Variants in SLBP observed in about 807,000 individuals in gnomAD.
SLBP encodes the protein histone RNA hairpin-binding protein.
Under a neutral mutation model 39.2 loss-of-function variants are expected in SLBP, and 29 were observed. The ratio of observed to expected loss-of-function variants is 0.74; its 90% CI spans 0.55 to 1.01. The LOEUF is 1.01. Among genes scored for constraint, SLBP ranks in the 50% least tolerant of loss-of-function variants. The probability of loss-of-function intolerance (pLI) is 0.00; values close to 1 mark genes in which losing one functional copy is unlikely to be tolerated. For missense variants in SLBP, 390 were observed against 350.2 expected (o/e 1.11, Z -0.91); for synonymous variants, 129 against 118.7 (o/e 1.09, Z -0.57).
chr4:1,694,965 G>A, intron 6 of SLBP, 125 bp from the exon 7 acceptor site: 2 of 709,722 alleles, frequency 2.8e-6, no homozygotes, highest in Non-Finnish European at 5.2e-6. Context: ...GAGGCTCCCT[G>A]AGGGGTCAGC....
At chr4:1,712,092 G>T in intron 1 of SLBP, 38 bp downstream of exon 1, 2 of 1,228,742 alleles carry the variant, frequency 1.6e-6, no homozygotes, top group Non-Finnish European at 2.0e-6. Flanking sequence ...GCCCCACGGG[G>T]CACGCGCTCC....
rs146983818 is a variant in SLBP, at chr4:1,693,735, C to T, written c.697-22G>A. On this transcript the variant is annotated intron_variant, in intron 7 of 7. Transcript: ENST00000489418. ...CATCCTGGAAAACAGAAGCATGGCT[C>T]GGTTGACATTCATCTCACCCTGAAA... 7 of 1,491,554 alleles carry T rather than the reference C, an allele frequency of 4.7e-6. No individual in the cohort carries two copies. The East Asian group carries it at 6.8e-5, about 14-fold the overall frequency. 92.4% of individuals were successfully genotyped at this position (1,491,554 alleles called of 1,614,324 possible).
At chr4:1,702,813 T>C (rs1281345920) in intron 3 of SLBP, among the ~76,000 whole-genome samples, 1 of 152,228 alleles carries the variant, frequency 6.6e-6, no homozygotes, top group African/African-American at 2.4e-5. Flanking sequence ...TTTCCTTGTA[T>C]GTTGGCATTT....
chr4:1,710,677 G>A (rs1577189610), intron 2 of SLBP, among the ~76,000 whole-genome samples: 1 of 152,102 alleles, frequency 6.6e-6, no homozygotes, highest in Non-Finnish European at 1.5e-5. Context: ...TCAGTAAGTC[G>A]CCACTTAAAG....
intron 5 of SLBP, among the ~76,000 whole-genome samples, chr4:1,696,803 A>C (rs1277908021): frequency 6.6e-6 from 1 of 151,024 alleles, no homozygotes; most frequent in African/African-American, 2.4e-5. Context: ...GGGCTGAGGG[A>C]GGAGGATCGC....
At chr4:1,696,441 T>G in intron 5 of SLBP, 90 bp from the exon 6 acceptor site, 1 of 1,149,092 alleles carries the variant, frequency 8.7e-7, no homozygotes, top group South Asian at 1.9e-5. Context: ...GAGATTAGTA[T>G]TATTTTAAAT....
chr4:1,703,807 T>C, intron 2 of SLBP, 107 bp from the exon 3 acceptor site: 1 of 821,616 alleles, frequency 1.2e-6, no homozygotes, highest in Non-Finnish European at 2.1e-6. Flanking sequence ...GGCTTGTGCC[T>C]GTAATACCAG....
chr4:1,703,781 G>T, intron 2 of SLBP, 81 bp from the exon 3 acceptor site: 1 of 1,024,640 alleles, frequency 9.8e-7, no homozygotes, highest in Non-Finnish European at 1.5e-6. Flanking sequence ...ATATTCAAAG[G>T]CTGGTGGGAC....
intron 2 of SLBP, among the ~76,000 whole-genome samples, chr4:1,705,353 G>A (rs1035508141): frequency 2.0e-5 from 3 of 152,168 alleles, no homozygotes; most frequent in Non-Finnish European, 2.9e-5. Flanking sequence ...TGAAGAAATG[G>A]TATTCTATTG....
In SLBP at chr4:1,703,652, C is replaced by A. The variant is rs1397136568; in HGVS notation, c.225G>T (p.Trp75Cys). ...GPKPRSRCSD[W>C]ASAVEEDEMR... ...TTTCATCTTCTTCAACTGCACTTGC[C>A]CAGTCAGAGCATCTGGAACGGGGTT... Residue 75 changes from tryptophan to cysteine, a missense_variant, in exon 3 of 8, where the codon TGG becomes TGT. Trp to Cys is a radical substitution (Grantham distance 215). Transcript: ENST00000489418. 6.2e-7 allele frequency: 1 copy of A among 1,613,992 alleles called. No homozygotes were observed. Among genetic ancestry groups the A allele is most frequent in the South Asian group, 1.1e-5 (1 of 91,072 alleles).
intron 5 of SLBP, among the ~76,000 whole-genome samples, chr4:1,698,142 A>C (rs1265809058): frequency 6.6e-6 from 1 of 151,836 alleles, no homozygotes; most frequent in Non-Finnish European, 1.5e-5. Context: ...CAGACGGATC[A>C]CGAGATCAGC....
At chr4:1,702,081 G>A (rs1421107782) in intron 3 of SLBP, among the ~76,000 whole-genome samples, 3 of 152,162 alleles carry the variant, frequency 2.0e-5, no homozygotes, top group Non-Finnish European at 4.4e-5. Flanking sequence ...GGTGGAATAC[G>A]CATGAATAAG....
At chr4:1,698,424 C>A (rs1332176690) in intron 5 of SLBP, among the ~76,000 whole-genome samples, 1 of 148,914 alleles carries the variant, frequency 6.7e-6, no homozygotes, top group African/African-American at 2.5e-5. Context: ...AAAAAAAGCA[C>A]CATCACATTG....
At chr4:1,696,404 C>A in intron 5 of SLBP, 53 bp from the exon 6 acceptor site, 1 of 1,427,606 alleles carries the variant, frequency 7.0e-7, no homozygotes, top group Admixed American at 2.6e-5. Flanking sequence ...CACATTTCCA[C>A]ATTAGCCTGA....
At position 1,711,995 on chromosome 4, in the gene SLBP, G is replaced by T; in HGVS notation, c.60-5C>A. 6 of 1,288,390 alleles carry T rather than the reference G, an allele frequency of 4.7e-6. No individual in the cohort carries two copies. Among genetic ancestry groups the T allele is most frequent in the South Asian group, 2.2e-5 (1 of 44,472 alleles). The allele number at this position is 1,288,390 out of a possible 1,614,324, so 79.8% of individuals were successfully genotyped here. A position where few individuals can be genotyped will look rare whatever the true frequency, so the allele number is the denominator to read the frequency against. The stretch of plus-strand genomic sequence containing the variant: ...CATCGCGCGGGGGACGGCGGGCTGC[G>T]GGGAGGGACGCGGTCGGCTGGGCAC... On this transcript the variant is annotated splice_region_variant and splice_polypyrimidine_tract_variant and intron_variant, in intron 1 of 7. Transcript: ENST00000489418.
intron 2 of SLBP, among the ~76,000 whole-genome samples, chr4:1,710,641 T>TA (rs1176905107): frequency 6.6e-6 from 1 of 152,134 alleles, no homozygotes; most frequent in East Asian, 1.9e-4. Context: ...GGTAGGGGAA[T>TA]AGTCAATTAT....
chr4:1,709,666 T>C (rs976319383), intron 2 of SLBP, among the ~76,000 whole-genome samples: 1 of 150,964 alleles, frequency 6.6e-6, no homozygotes, highest in African/African-American at 2.4e-5. Context: ...AGCTGGAGTG[T>C]AGTGGGGCGA....
At chr4:1,701,788 T>C (rs1459288893) in intron 3 of SLBP, among the ~76,000 whole-genome samples, 1 of 152,190 alleles carries the variant, frequency 6.6e-6, no homozygotes, top group East Asian at 1.9e-4. Context: ...ACAGCTATAA[T>C]CCCAGCTACT....
At chr4:1,705,992 T>C (rs1577185155) in intron 2 of SLBP, among the ~76,000 whole-genome samples, 1 of 152,012 alleles carries the variant, frequency 6.6e-6, no homozygotes, top group East Asian at 1.9e-4. Context: ...CTCAAAAAAA[T>C]ATATATGGTG....
Sources: allele counts gnomAD v4.1 joint callset (sites outside exome capture counted in the v4.1 genomes callset), GRCh38; gene constraint gnomAD v4.1.1; transcripts MANE v1.5; gene names NCBI Gene and HGNC (gene_info 2026-07-23, HGNC 2026-07-21).